Variants in RASA1 observed in about 807,000 individuals in gnomAD.
The protein encoded by RASA1 is RAS p21 protein activator 1, also known as ras GTPase-activating protein 1.
A neutral mutation model predicts 132.2 loss-of-function variants in RASA1; 25 were observed. The ratio of observed to expected loss-of-function variants is 0.19; its 90% CI spans 0.14 to 0.26. The LOEUF is 0.26. Among genes scored for constraint, RASA1 ranks in the 10% least tolerant of loss-of-function variants. RASA1 has a pLI of 1.00. For missense variants in RASA1, 964 were observed against 1,299.2 expected, an observed-to-expected ratio of 0.74 and a Z score of 3.97; for synonymous variants, 477 against 449.9, an observed-to-expected ratio of 1.06 and a Z score of -0.76.
intron 9 of RASA1, among the ~76,000 whole-genome samples, chr5:87,361,692 T>A (rs1561310117): frequency 6.6e-6 from 1 of 152,170 alleles, no homozygotes; most frequent in Non-Finnish European, 1.5e-5. Context: ...ATGTAACATA[T>A]GCATTCCTAA....
Position 87,313,474 on chromosome 5 carries a change from C to T in RASA1, c.540-17874C>T, listed in dbSNP as rs758898327. On this transcript the variant is annotated intron_variant, in intron 1 of 24. Coordinates refer to ENST00000274376, the MANE Select transcript of RASA1 (RefSeq NM_002890.3). Reference sequence around the variant, plus strand: ...GGCTAGATACGTGGATTTCAGTAAGCGATTATGACTTTTGAATTTCCACAT... The same window carrying T: ...GGCTAGATACGTGGATTTCAGTAAGTGATTATGACTTTTGAATTTCCACAT... Among the ~76,000 whole-genome samples, 183 of 152,238 alleles carry T rather than the reference C, an allele frequency of 1.2e-3. 1 individual carries two copies. Among genetic ancestry groups the T allele is most frequent in the Middle Eastern group, 3.4e-3 (1 of 294 alleles).
intron 9 of RASA1, among the ~76,000 whole-genome samples, chr5:87,360,542 A>G (rs1391846611): frequency 6.6e-6 from 1 of 152,232 alleles, no homozygotes; most frequent in Non-Finnish European, 1.5e-5. Flanking sequence ...TATAAGAGTG[A>G]TCAATCCAGT....
intron 8 of RASA1, among the ~76,000 whole-genome samples, chr5:87,351,813 A>G (rs1759301464): frequency 6.6e-6 from 1 of 151,826 alleles, no homozygotes; most frequent in Non-Finnish European, 1.5e-5. Context: ...TTGCTCCTGG[A>G]CAATCTGAAC....
intron 24 of RASA1, 123 bp downstream of exon 24, chr5:87,389,650 C>A: frequency 1.5e-6 from 2 of 1,291,656 alleles, no homozygotes; most frequent in Non-Finnish European, 2.2e-6. Flanking sequence ...GACTCTGCAT[C>A]ATATTACAAA....
chr5:87,296,758 T>A (rs1428965952), intron 1 of RASA1, among the ~76,000 whole-genome samples: 1 of 152,164 alleles, frequency 6.6e-6, no homozygotes, highest in Admixed American at 6.5e-5. Flanking sequence ...GAATATGATA[T>A]GCTTAGATTT....
chr5:87,306,631 G>C (rs896722901), intron 1 of RASA1, among the ~76,000 whole-genome samples: 1 of 151,838 alleles, frequency 6.6e-6, no homozygotes, highest in Non-Finnish European at 1.5e-5. Context: ...AAAAAATTCA[G>C]TCTTGCCTTT....
rs143947506 is a variant in RASA1, at chr5:87,387,876, A to C, written c.2925+973A>C. 2.7e-3 allele frequency among the ~76,000 whole-genome samples: 406 copies of C among 152,300 alleles called. 5 individuals carry two copies. The highest frequency in any genetic ancestry group is 8.5e-3 in the East Asian group (44 of 5,178). The stretch of plus-strand genomic sequence containing the variant: ...GGGATATAGTTGGTCAATCATTGGA[A>C]AATATTTTTACTATAATGTTTAAGG... On this transcript the variant is annotated intron_variant, in intron 23 of 24. Coordinates refer to ENST00000274376, the MANE Select transcript of RASA1 (RefSeq NM_002890.3).
At chr5:87,350,995 T>C (rs1181302372) in intron 8 of RASA1, among the ~76,000 whole-genome samples, 2 of 151,700 alleles carry the variant, frequency 1.3e-5, no homozygotes, top group Non-Finnish European at 3.0e-5. Flanking sequence ...TTTGTGCTTA[T>C]TGTTTATTGT....
chr5:87,363,558 TACAA>T lies in RASA1; in HGVS notation c.1610+60_1610+63del, dbSNP rs988478968. 5.1e-6 allele frequency: 8 copies of T among 1,573,284 alleles called. No individual in the cohort carries two copies. In the African/African-American group the frequency reaches 9.5e-5, roughly 19 times the overall value. Reference sequence around the variant, plus strand: ...CGGAATTGTCTTAATAATAAAATAGTACAAACAAAGCAAACCAATTTTGAGAGCC... The same window carrying T: ...CGGAATTGTCTTAATAATAAAATAGTACAAAGCAAACCAATTTTGAGAGCC... On this transcript the variant is annotated intron_variant, in intron 11 of 24. Coordinates refer to ENST00000274376, the MANE Select transcript of RASA1 (RefSeq NM_002890.3).
At position 87,363,425 on chromosome 5, in the gene RASA1, A is replaced by C. The variant is rs1478096549; in HGVS notation, c.1531A>C (p.Lys511Gln). Residue 511 changes from lysine to glutamine, a missense_variant, in exon 11 of 25, where the codon AAA becomes CAA. Lys to Gln is a moderately conservative substitution (Grantham distance 53, BLOSUM62 1). This residue lies in a region of RASA1 where 346 missense variants were observed against 520.1 expected (regional missense o/e 0.67). Transcript: ENST00000274376. ...CCAACTTATTTATTTTGAAAGCGAA[A>C]AACGAGCTACCAAACCAAAAGGATT... ...DAQLIYFESE[K>Q]RATKPKGLID... The C allele has an allele frequency of 6.2e-7, 1 of 1,611,436 alleles. No individual in the cohort carries two copies. The highest frequency in any genetic ancestry group is 1.7e-5 in the Admixed American group (1 of 59,950).
chr5:87,324,168 C>A (rs1258798898), intron 1 of RASA1, among the ~76,000 whole-genome samples: 4 of 152,136 alleles, frequency 2.6e-5, no homozygotes, highest in Non-Finnish European at 2.9e-5. Flanking sequence ...CTAAGAAAAA[C>A]CCAACTATAA....
chr5:87,391,043 AAC>A lies in RASA1; in HGVS notation c.*161_*162del. The stretch of plus-strand genomic sequence containing the variant: ...AAAATCCAAGATTCTGCTGGTGAAT[AAC>A]TATGCCAGCAACCTTGTAAGCTATC... On this transcript the variant is annotated 3_prime_UTR_variant, in exon 25 of 25. Transcript: ENST00000274376. The A allele has an allele frequency of 1.3e-6, 1 of 748,526 alleles. No homozygotes were observed. The highest frequency in any genetic ancestry group is 2.4e-6 in the Non-Finnish European group (1 of 424,508). The allele number at this position is 748,526 out of a possible 1,614,324, so 46.4% of individuals were successfully genotyped here.
chr5:87,387,264 G>A (rs1762125744), intron 23 of RASA1, among the ~76,000 whole-genome samples: 1 of 152,066 alleles, frequency 6.6e-6, no homozygotes, highest in Non-Finnish European at 1.5e-5. Flanking sequence ...GGGGCGTGAA[G>A]CAAGACGATG....
intron 9 of RASA1, among the ~76,000 whole-genome samples, chr5:87,358,524 A>G (rs781308316): frequency 3.3e-5 from 5 of 152,202 alleles, no homozygotes; most frequent in Non-Finnish European, 7.4e-5. Flanking sequence ...TATGTCTAGA[A>G]TATGACCACC....
In RASA1 at chr5:87,324,703, T is replaced by C. The variant is rs554901503; in HGVS notation, c.540-6645T>C. ...CTAGTTATCTGGTTATATACAAATA[T>C]ACCCAAGAATACCTAATATAAACAC... On this transcript the variant is annotated intron_variant, in intron 1 of 24. Coordinates refer to ENST00000274376, the MANE Select transcript of RASA1 (RefSeq NM_002890.3). Among the ~76,000 whole-genome samples the C allele has an allele frequency of 1.4e-4, 22 of 152,270 alleles. 2 individuals carry two copies. The South Asian group carries it at 4.6e-3, about 32-fold the overall frequency.
intron 1 of RASA1, among the ~76,000 whole-genome samples, chr5:87,292,030 A>G (rs1754930845): frequency 6.6e-6 from 1 of 152,026 alleles, no homozygotes; most frequent in African/African-American, 2.4e-5. Flanking sequence ...TTGTTTTCTT[A>G]TTGTTGTGAA....
chr5:87,358,089 G>T (rs1263569714), intron 9 of RASA1, among the ~76,000 whole-genome samples: 1 of 152,114 alleles, frequency 6.6e-6, no homozygotes, highest in Non-Finnish European at 1.5e-5. Context: ...TCGCCAAATT[G>T]ATTAGTTAGC....
chr5:87,299,647 TTGTGTGTGTGTGTG>T (rs3988264), intron 1 of RASA1: 1 of 149,422 alleles, frequency 6.7e-6, no homozygotes, highest in Non-Finnish European at 1.5e-5. Flanking sequence ...AGTTAACCGT[TTGTGTGTGTGTGTG>T]TGTGTGTGTG....
chr5:87,321,160 A>C (rs957755930), intron 1 of RASA1, among the ~76,000 whole-genome samples: 1 of 152,178 alleles, frequency 6.6e-6, no homozygotes, highest in Non-Finnish European at 1.5e-5. Flanking sequence ...TTTCAATGAT[A>C]CTGGAGGTGC....
Sources: allele counts gnomAD v4.1 joint callset (sites outside exome capture counted in the v4.1 genomes callset), GRCh38; gene constraint gnomAD v4.1.1; regional missense constraint gnomAD v4.1.1; transcripts MANE v1.5; gene names NCBI Gene and HGNC (gene_info 2026-07-23, HGNC 2026-07-21).